DPEP1: variants seen among roughly 807,000 people sequenced by gnomAD.
DPEP1 encodes the protein dipeptidase 1.
A neutral mutation model predicts 42.3 loss-of-function variants in DPEP1; 50 were observed. That is an observed-to-expected ratio of 1.18 (90% confidence interval 0.94 to 1.50). The LOEUF is 1.50. Among genes scored for constraint, DPEP1 ranks in the 40% most tolerant of loss-of-function variants. DPEP1 has a pLI of 0.00. For missense variants in DPEP1, 663 were observed against 553.0 expected, an observed-to-expected ratio of 1.20 and a Z score of -1.99; for synonymous variants, 297 against 234.0, an observed-to-expected ratio of 1.27 and a Z score of -2.46.
rs150009384 is a variant in DPEP1, at chr16:89,636,579, C to T, written c.417C>T (p.Gly139=). The T allele has an allele frequency of 2.3e-4, 374 of 1,612,354 alleles. No individual in the cohort carries two copies. The highest frequency in any genetic ancestry group is 2.8e-4 in the Non-Finnish European group (335 of 1,179,864). The change falls in exon 5 of 11, where the codon GGC becomes GGT. Residue 139 remains glycine (G), a synonymous_variant. Coordinates refer to ENST00000690203, the MANE Select transcript of DPEP1 (RefSeq NM_001389466.1). ...AAGGGAAGGTGGCCAGCCTGATCGG[C>T]GTGGAGGGCGGCCACTCCATTGACA... is the stretch of plus-strand genomic sequence containing the variant. ...FREGKVASLI[G]VEGGHSIDSS... is the part of the protein sequence containing the mutation.
At chr16:89,623,755 G>A (rs2059473528) in intron 1 of DPEP1, among the ~76,000 whole-genome samples, 1 of 152,142 alleles carries the variant, frequency 6.6e-6, no homozygotes. Context: ...AGGCAGAAAG[G>A]AAGCTCAGAC....
chr16:89,640,782 G>C, downstream of DPEP1, among the ~76,000 whole-genome samples: 1 of 152,036 alleles, frequency 6.6e-6, no homozygotes, highest in East Asian at 1.9e-4. Flanking sequence ...CCTCGTGTAC[G>C]GAGACGAGCG....
At chr16:89,625,516 C>T (rs1476468967) in intron 1 of DPEP1, among the ~76,000 whole-genome samples, 1 of 152,172 alleles carries the variant, frequency 6.6e-6, no homozygotes, top group African/African-American at 2.4e-5. Context: ...ATAAACCAAA[C>T]AAAGGTGGAA....
rs548115087 is a variant in DPEP1 at position 89,631,581 on chromosome 16, C to T, written c.104+1067C>T. On this transcript the variant is annotated intron_variant, in intron 2 of 10. Coordinates refer to ENST00000690203, the MANE Select transcript of DPEP1 (RefSeq NM_001389466.1). ...TAAGAACTTCAGGGAACAGTCCAGG[C>T]TGGGCAGTTCACGCCTGTAATCCCA... 2.0e-5 allele frequency among the ~76,000 whole-genome samples: 3 copies of T among 152,308 alleles called. No homozygotes were observed. In the South Asian group the frequency reaches 6.2e-4, roughly 32 times the overall value.
At chr16:89,626,590 TCCAC>T (rs1353418120) in intron 1 of DPEP1, 2 of 152,098 alleles carry the variant, frequency 1.3e-5, no homozygotes, top group African/African-American at 2.4e-5. Flanking sequence ...CCTCAGGTGA[TCCAC>T]CCGCCTCGGC....
Position 89,614,786 on chromosome 16 carries a change from C to T in DPEP1, c.-107+1067C>T, listed in dbSNP as rs184405705. Reference sequence around the variant, plus strand: ...CTCCAGCCTGAGTGACAGAGCGAGACTCCGTATCCAAAAAAATAAAAGAAA... The same window carrying T: ...CTCCAGCCTGAGTGACAGAGCGAGATTCCGTATCCAAAAAAATAAAAGAAA... On this transcript the variant is annotated intron_variant, in intron 1 of 10. Coordinates refer to ENST00000690203, the MANE Select transcript of DPEP1 (RefSeq NM_001389466.1). Among the ~76,000 whole-genome samples, 32 of 152,260 alleles carry T rather than the reference C, an allele frequency of 2.1e-4. 1 individual carries two copies. In the East Asian group the frequency reaches 5.2e-3, roughly 25 times the overall value.
At chr16:89,629,057 C>T (rs1395002709) in intron 1 of DPEP1, among the ~76,000 whole-genome samples, 1 of 152,150 alleles carries the variant, frequency 6.6e-6, no homozygotes, top group Non-Finnish European at 1.5e-5. Flanking sequence ...GAACTCCTGA[C>T]CTCAAGTGAT....
intron 1 of DPEP1, among the ~76,000 whole-genome samples, chr16:89,617,847 A>C (rs1474921926): frequency 2.2e-5 from 3 of 138,600 alleles, no homozygotes; most frequent in Non-Finnish European, 3.1e-5. Context: ...AACATGGTGA[A>C]ACCCCATCTC....
chr16:89,636,598 A>G lies in DPEP1; in HGVS notation c.436A>G (p.Ile146Val). The G allele has an allele frequency of 6.2e-7, 1 of 1,612,592 alleles. No homozygotes were observed. The highest frequency in any genetic ancestry group is 1.1e-5 in the South Asian group (1 of 91,088). Residue 146 changes from isoleucine to valine, a missense_variant, in exon 5 of 11, where the codon ATT (isoleucine) becomes GTT (valine). Transcript: ENST00000690203. ...GATCGGCGTGGAGGGCGGCCACTCCATTGACAGCAGTTTGGGCGTCCTGCG... is the reference window on the plus strand; with the variant it reads ...GATCGGCGTGGAGGGCGGCCACTCCGTTGACAGCAGTTTGGGCGTCCTGCG... ...SLIGVEGGHSIDSSLGVLRAL... is the reference protein window; with the variant it reads ...SLIGVEGGHSVDSSLGVLRAL...
chr16:89,637,270 A>G lies in DPEP1; in HGVS notation c.658A>G (p.Met220Val). The change falls in exon 7 of 11, where the codon ATG (methionine) becomes GTG (valine). Residue 220 changes from methionine (M) to valine (V), a missense_variant. By Grantham distance (21) the Met-to-Val change is conservative. Transcript: ENST00000690203. ...IDLAHVSVAT[M>V]KATLQLSRAP... is the part of the protein sequence containing the mutation. ...CTTGGCTCACGTGTCTGTGGCCACC[A>G]TGAAGGCCACCCTGCAGCTGTCCAG... The G allele has an allele frequency of 6.2e-7, 1 of 1,612,710 alleles. No homozygotes were observed. The highest frequency in any genetic ancestry group is 1.1e-5 in the South Asian group (1 of 91,084).
intron 2 of DPEP1, 77 bp downstream of exon 2, chr16:89,630,591 C>T (rs395593): frequency 0.96 from 63,499 of 66,420 alleles, 30,442 homozygotes; most frequent in South Asian, 0.98. Flanking sequence ...CTGGGGGAGC[C>T]GGGGCTGGGG....
At chr16:89,623,122 T>C (rs1597748084) in intron 1 of DPEP1, among the ~76,000 whole-genome samples, 1 of 151,664 alleles carries the variant, frequency 6.6e-6, no homozygotes, top group Admixed American at 6.6e-5. Flanking sequence ...TCCCTAAACA[T>C]GTTTTTGAGA....
intron 2 of DPEP1, among the ~76,000 whole-genome samples, chr16:89,631,361 C>G (rs1163960962): frequency 6.6e-6 from 1 of 152,210 alleles, no homozygotes; most frequent in Non-Finnish European, 1.5e-5. Context: ...AGTGCCCCGA[C>G]ACTGGGTCAC....
chr16:89,622,745 T>C (rs113446726), intron 1 of DPEP1, among the ~76,000 whole-genome samples: 7,026 of 150,624 alleles, frequency 0.047, 534 homozygotes, highest in African/African-American at 0.16. Context: ...GATCGCGCCA[T>C]TGCACTCCAG....
chr16:89,628,318 C>T (rs1365212785), intron 1 of DPEP1, among the ~76,000 whole-genome samples: 1 of 143,468 alleles, frequency 7.0e-6, no homozygotes, highest in Non-Finnish European at 1.5e-5. Context: ...AGTGCAATGG[C>T]GCGATCACAG....
At chr16:89,638,535 CT>C, downstream of DPEP1, 2 of 1,161,162 alleles carry the variant, frequency 1.7e-6, no homozygotes, top group Non-Finnish European at 2.1e-6. Context: ...TGGATCGAGT[CT>C]TCGGTCCAGG....
rs148240484 is a variant in DPEP1, at chr16:89,637,333, G to T, written c.721G>T (p.Val241Leu). 1.9e-6 allele frequency: 3 copies of T among 1,612,456 alleles called. No homozygotes were observed. Among genetic ancestry groups the T allele is most frequent in the Non-Finnish European group, 2.5e-6 (3 of 1,179,954 alleles). The change falls in exon 7 of 11, where the codon GTG becomes TTG. Residue 241 changes from valine to leucine, a missense_variant. By Grantham distance (32) the Val-to-Leu change is conservative (BLOSUM62 1). Coordinates refer to ENST00000690203, the MANE Select transcript of DPEP1 (RefSeq NM_001389466.1). ...VIFSHSSAYS[V>L]CASRRNVPDD... is the part of the protein sequence containing the mutation. ...CTTCAGCCACTCCTCGGCCTACAGC[G>T]TGTGCGCAAGCCGGCGCAACGTGCC...
At chr16:89,622,863 G>A (rs1437437386) in intron 1 of DPEP1, among the ~76,000 whole-genome samples, 1 of 152,146 alleles carries the variant, frequency 6.6e-6, no homozygotes, top group African/African-American at 2.4e-5. Flanking sequence ...CTGGGAAGGA[G>A]GAAGTGAATG....
chr16:89,620,766 T>A (rs956096464), intron 1 of DPEP1: 1 of 151,810 alleles, frequency 6.6e-6, no homozygotes, highest in African/African-American at 2.4e-5. Context: ...CGGGACCCTG[T>A]CCCGCGCATG....
Sources: gnomAD v4.1 joint callset for allele counts (sites outside exome capture counted in the v4.1 genomes callset) on GRCh38, gnomAD v4.1.1 for gene constraint, MANE v1.5 for transcripts, NCBI Gene and HGNC (gene_info 2026-07-23, HGNC 2026-07-21) for gene names.